The following ERBB4 variants were observed in gnomAD, a reference collection of about 807,000 sequenced individuals.
ERBB4 encodes the protein erb-b2 receptor tyrosine kinase 4, also known as receptor tyrosine-protein kinase erbB-4.
In ERBB4, 42 loss-of-function variants were observed where a neutral mutation model predicts 158.0. The observed-to-expected ratio is 0.27, with a 90% CI of 0.21 to 0.34. The LOEUF (loss-of-function observed/expected upper bound fraction) is 0.34, where lower values mean the gene tolerates loss of function less well. Among genes scored for constraint, ERBB4 ranks in the 10% least tolerant of loss-of-function variants. ERBB4 has a pLI of 1.00. For missense variants in ERBB4, 1,333 were observed against 1,624.1 expected, an observed-to-expected ratio of 0.82 and a Z score of 3.08; for synonymous variants, 583 against 558.7, an observed-to-expected ratio of 1.04 and a Z score of -0.61.
At chr2:212,263,238 T>C (rs1036451805) in intron 1 of ERBB4, among the ~76,000 whole-genome samples, 1 of 152,044 alleles carries the variant, frequency 6.6e-6, no homozygotes, top group Non-Finnish European at 1.5e-5. Context: ...ACCAACCCTG[T>C]TGACAACTCA....
chr2:211,432,737 G>A (rs2063770652), intron 20 of ERBB4, among the ~76,000 whole-genome samples: 2 of 151,784 alleles, frequency 1.3e-5, no homozygotes, highest in South Asian at 4.2e-4. Context: ...CTTCATATCA[G>A]AACACGGAAT....
At chr2:212,309,412 A>G (rs538473328) in intron 1 of ERBB4, among the ~76,000 whole-genome samples, 43 of 151,030 alleles carry the variant, frequency 2.8e-4, no homozygotes, top group African/African-American at 9.9e-4. Context: ...TTTAGCAAAG[A>G]TGAATGAAAC....
intron 1 of ERBB4, among the ~76,000 whole-genome samples, chr2:212,350,914 AAAGC>A (rs1170313638): frequency 6.6e-6 from 1 of 152,192 alleles, no homozygotes; most frequent in Non-Finnish European, 1.5e-5. Flanking sequence ...TTTGAAATAA[AAAGC>A]AAGCAAGGTG....
At chr2:211,933,176 T>C (rs776404257) in intron 3 of ERBB4, among the ~76,000 whole-genome samples, 1 of 152,078 alleles carries the variant, frequency 6.6e-6, no homozygotes. Flanking sequence ...ATTTGAAGCA[T>C]GATACAATTT....
intron 1 of ERBB4, among the ~76,000 whole-genome samples, chr2:212,489,228 G>A (rs1186469224): frequency 1.3e-5 from 2 of 151,870 alleles, no homozygotes; most frequent in Non-Finnish European, 2.9e-5. Flanking sequence ...TTTCTTAAGA[G>A]TAGATGGAAC....
chr2:212,002,458 G>A (rs2076128527), intron 2 of ERBB4, among the ~76,000 whole-genome samples: 3 of 152,144 alleles, frequency 2.0e-5, no homozygotes, highest in East Asian at 1.9e-4. Context: ...TTCTCTTGTG[G>A]TGGGCAGAGG....
chr2:212,262,633 C>A (rs753689571), intron 1 of ERBB4, among the ~76,000 whole-genome samples: 1 of 151,960 alleles, frequency 6.6e-6, no homozygotes, highest in Non-Finnish European at 1.5e-5. Flanking sequence ...TGGCTCTATA[C>A]AAAAGTGGCT....
chr2:211,629,246 C>T (rs1255127470), intron 17 of ERBB4, among the ~76,000 whole-genome samples: 6 of 152,054 alleles, frequency 3.9e-5, no homozygotes, highest in African/African-American at 1.2e-4. Context: ...TTCTTATACA[C>T]CAATAACAGA....
At chr2:212,407,149 T>C (rs973959788) in intron 1 of ERBB4, among the ~76,000 whole-genome samples, 1 of 150,894 alleles carries the variant, frequency 6.6e-6, no homozygotes, top group Non-Finnish European at 1.5e-5. Flanking sequence ...ACATATATTA[T>C]ATATAAATAT....
At chr2:211,775,851 C>T (rs555241894) in intron 4 of ERBB4, among the ~76,000 whole-genome samples, 1 of 152,298 alleles carries the variant, frequency 6.6e-6, no homozygotes, top group South Asian at 2.1e-4. Flanking sequence ...CTTGCCACCT[C>T]ACGGGTTACA....
intron 2 of ERBB4, among the ~76,000 whole-genome samples, chr2:212,059,386 C>T (rs1175436371): frequency 1.3e-5 from 2 of 152,112 alleles, no homozygotes; most frequent in Non-Finnish European, 2.9e-5. Flanking sequence ...TTAATAGATC[C>T]AATGCCATCC....
intron 2 of ERBB4, among the ~76,000 whole-genome samples, chr2:211,961,211 C>T (rs1182570900): frequency 1.4e-5 from 2 of 147,946 alleles, no homozygotes; most frequent in African/African-American, 5.3e-5. Flanking sequence ...TGCATTGTTC[C>T]TGCATTGGTG....
chr2:212,214,786 C>T lies in ERBB4; in HGVS notation c.83-89883G>A, dbSNP rs1017964323. 7.3e-5 allele frequency among the ~76,000 whole-genome samples: 11 copies of T among 151,542 alleles called. 1 individual carries two copies. Among genetic ancestry groups the T allele is most frequent in the African/African-American group, 1.7e-4 (7 of 41,336 alleles). On this transcript the variant is annotated intron_variant, in intron 1 of 27. Transcript: ENST00000342788. ...CCAACAGAAATATTCTATATGTGGG[C>T]GCCAAAATACACGTACACAATGTTC...
At chr2:211,849,518 T>C (rs2077667643) in intron 3 of ERBB4, among the ~76,000 whole-genome samples, 1 of 151,980 alleles carries the variant, frequency 6.6e-6, no homozygotes, top group Non-Finnish European at 1.5e-5. Context: ...GATATCTATC[T>C]TGAGCAAGAT....
At chr2:211,900,757 G>C (rs142728280) in intron 3 of ERBB4, among the ~76,000 whole-genome samples, 1 of 152,196 alleles carries the variant, frequency 6.6e-6, no homozygotes, top group East Asian at 1.9e-4. Flanking sequence ...CATGTCCACT[G>C]TTTATAAGTA....
At chr2:212,416,132 G>A (rs1206187059) in intron 1 of ERBB4, among the ~76,000 whole-genome samples, 2 of 152,132 alleles carry the variant, frequency 1.3e-5, no homozygotes, top group Non-Finnish European at 1.5e-5. Context: ...TGTGATTGAA[G>A]AGACATGAGA....
chr2:212,480,210 C>T (rs1433401043), intron 1 of ERBB4, among the ~76,000 whole-genome samples: 1 of 151,986 alleles, frequency 6.6e-6, no homozygotes, highest in Non-Finnish European at 1.5e-5. Context: ...TTTCATTGAA[C>T]ATCTATGTAA....
chr2:212,485,340 C>T (rs1689916136), intron 1 of ERBB4, among the ~76,000 whole-genome samples: 2 of 152,248 alleles, frequency 1.3e-5, no homozygotes, highest in African/African-American at 4.8e-5. Context: ...ATAAATAACA[C>T]AAAACTGAAG....
intron 1 of ERBB4, among the ~76,000 whole-genome samples, chr2:212,330,719 G>C (rs2088098254): frequency 6.6e-6 from 1 of 151,896 alleles, no homozygotes; most frequent in Non-Finnish European, 1.5e-5. Flanking sequence ...CAGCTGCTCT[G>C]CCTCTGTATT....
Sources: gnomAD v4.1 joint callset for allele counts (sites outside exome capture counted in the v4.1 genomes callset) on GRCh38, gnomAD v4.1.1 for gene constraint, MANE v1.5 for transcripts, NCBI Gene and HGNC (gene_info 2026-07-23, HGNC 2026-07-21) for gene names.